The following MRPL4 variants were observed in gnomAD, a reference collection of about 807,000 sequenced individuals.
MRPL4 encodes the protein large ribosomal subunit protein uL4m.
In MRPL4, 34 loss-of-function variants were observed where a neutral mutation model predicts 34.1. The observed-to-expected ratio is 1.00, with a 90% CI of 0.76 to 1.33. The LOEUF is 1.33. Among genes scored for constraint, MRPL4 ranks in the 40% most tolerant of loss-of-function variants. The pLI, the probability that MRPL4 is intolerant of heterozygous loss-of-function variation, is 0.00. For synonymous variants in MRPL4, 196 were observed against 188.3 expected (o/e 1.04, Z -0.33); for missense variants, 402 against 434.6 (o/e 0.92, Z 0.67).
intron 3 of MRPL4, 127 bp downstream of exon 3, chr19:10,252,828 C>A: frequency 7.7e-7 from 1 of 1,297,108 alleles, no homozygotes; most frequent in East Asian, 2.5e-5. Flanking sequence ...GTTTCTCCAC[C>A]TGTCAAAGGG....
chr19:10,253,556 C>T (rs1320939798), intron 3 of MRPL4, among the ~76,000 whole-genome samples: 3 of 151,418 alleles, frequency 2.0e-5, no homozygotes, highest in East Asian at 3.9e-4. Flanking sequence ...ATTGGGAGGC[C>T]GAGGTGGGCG....
At chr19:10,252,213 C>CA, upstream of MRPL4, 3 of 1,555,410 alleles carry the variant, frequency 1.9e-6, no homozygotes, top group Non-Finnish European at 2.6e-6. Flanking sequence ...CGCGAGGCTC[C>CA]AGTGGCCTTG....
chr19:10,258,681 T>A lies in MRPL4; in HGVS notation c.735T>A (p.Ala245=). Residue 245 remains alanine (A), a synonymous_variant, in exon 8 of 9, where the codon GCT becomes GCA. Transcript: ENST00000253099. Reference sequence around the variant, plus strand: ...TTAAGACCTTCAACTTGATCCCGGCTGTTGGTGAGCAAAGAGCCCAGGCCC... The same window carrying A: ...TTAAGACCTTCAACTTGATCCCGGCAGTTGGTGAGCAAAGAGCCCAGGCCC... The part of the protein sequence containing the change: ...SRLKTFNLIP[A]VGLNVHSMLK... 6.2e-7 allele frequency: 1 copy of A among 1,614,112 alleles called. No individual in the cohort carries two copies. The highest frequency in any genetic ancestry group is 2.2e-5 in the East Asian group (1 of 44,868).
In MRPL4 at chr19:10,259,623, AT is replaced by A. The variant is rs1568286020; in HGVS notation, c.747del (p.Asn249LysfsTer13). The A allele has an allele frequency of 7.3e-7, 1 of 1,373,454 alleles. No individual in the cohort carries two copies. Among genetic ancestry groups the A allele is most frequent in the East Asian group, 4.1e-5 (1 of 24,588 alleles). 85.1% of individuals were successfully genotyped at this position (1,373,454 alleles called of 1,614,324 possible). On this transcript the variant is annotated frameshift_variant, in exon 9 of 9. Transcript: ENST00000253099. LOFTEE classifies it high-confidence loss of function. ...TFNLIPAVGL[N>X]VHSMLKHQTL... ...GCCCCCACCCCGCCCCCAGGCCTAA[AT>A]GTGCACAGCATGCTCAAGCACCAGA...
At chr19:10,259,292 A>C (rs1302831676) in intron 8 of MRPL4, 4 of 1,379,394 alleles carry the variant, frequency 2.9e-6, no homozygotes, top group Non-Finnish European at 2.8e-6. Flanking sequence ...CAGGCCCTGC[A>C]CGATGTGCCC....
chr19:10,259,662 CGCT>C lies in MRPL4; in HGVS notation c.788_790del (p.Leu263del). ...CTCAAGCACCAGACGCTGGTCCTGA[CGCT>C]GCCCACCGTCGCCTTCCTGGAGGAC... On this transcript the variant is annotated inframe_deletion, in exon 9 of 9. Transcript: ENST00000253099. 1 of 1,606,120 alleles carries C rather than the reference CGCT, an allele frequency of 6.2e-7. No homozygotes were observed. The highest frequency in any genetic ancestry group is 8.5e-7 in the Non-Finnish European group (1 of 1,177,088).
chr19:10,258,592 C>T lies in MRPL4; in HGVS notation c.663-17C>T, dbSNP rs865824164. On this transcript the variant is annotated splice_polypyrimidine_tract_variant and intron_variant, in intron 7 of 8. Coordinates refer to ENST00000253099, the MANE Select transcript of MRPL4 (RefSeq NM_015956.3). ...TACTCTGAGGGTTCAACCCCCACTC[C>T]CTGGCCTCTCTTACAGAACACACGA... 1.2e-6 allele frequency: 2 copies of T among 1,614,200 alleles called. No individual in the cohort carries two copies. The highest frequency in any genetic ancestry group is 1.7e-6 in the Non-Finnish European group (2 of 1,180,030).
intron 5 of MRPL4, among the ~76,000 whole-genome samples, chr19:10,257,948 G>A (rs2039867270): frequency 1.3e-5 from 2 of 152,064 alleles, no homozygotes; most frequent in Admixed American, 6.6e-5. Context: ...CTGGGCTCAA[G>A]TGATCCTCCA....
chr19:10,259,150 CCA>C (rs2039882979), intron 8 of MRPL4: 20 of 1,050,070 alleles, frequency 1.9e-5, no homozygotes, highest in Non-Finnish European at 2.3e-5. Context: ...TCTGTCAAAG[CCA>C]CAGTCTGTTC....
intron 5 of MRPL4, among the ~76,000 whole-genome samples, chr19:10,257,222 C>G (rs1341733286): frequency 6.6e-6 from 1 of 152,142 alleles, no homozygotes; most frequent in East Asian, 1.9e-4. Flanking sequence ...CATTGTGGGC[C>G]CTGGTGGCTG....
rs200328561 is a variant in MRPL4, at chr19:10,252,700, A to G, written c.274A>G (p.Arg92Gly). 175 of 1,600,852 alleles carry G rather than the reference A, an allele frequency of 1.1e-4. 1 individual carries two copies. Among genetic ancestry groups the G allele is most frequent in the Non-Finnish European group, 1.3e-4 (156 of 1,179,376 alleles). The change falls in exon 3 of 9, where the codon AGG (arginine) becomes GGG (glycine). Residue 92 changes from arginine (R) to glycine (G), a missense_variant and splice_region_variant. By Grantham distance (125) the Arg-to-Gly change is moderately radical. Coordinates refer to ENST00000253099, the MANE Select transcript of MRPL4 (RefSeq NM_015956.3). ...LHPDVFATAP[R>G]LDILHQVAMW... ...CCCCGATGTTTTCGCCACCGCGCCC[A>G]GGTGAGCGAGGGCTGTAATGGTGAA...
chr19:10,258,128 C>A, intron 5 of MRPL4, 94 bp from the exon 6 acceptor site: 1 of 865,960 alleles, frequency 1.2e-6, no homozygotes. Flanking sequence ...GCAGCGCCCC[C>A]TCTCTCGTCA....
At chr19:10,257,718 C>T (rs1222293251) in intron 5 of MRPL4, among the ~76,000 whole-genome samples, 1 of 151,964 alleles carries the variant, frequency 6.6e-6, no homozygotes, top group Non-Finnish European at 1.5e-5. Context: ...AAAGTTCGAA[C>T]CTCCTGATAA....
At chr19:10,252,733 GC>G (rs776121611) in intron 3 of MRPL4, 32 bp downstream of exon 3, 166 of 1,586,150 alleles carry the variant, frequency 1.0e-4, no homozygotes, top group Non-Finnish European at 7.4e-5. Context: ...GAACTGAGTG[GC>G]AGAGGGATGA....
At chr19:10,254,024 C>CT (rs926214738) in intron 3 of MRPL4, among the ~76,000 whole-genome samples, 6 of 150,958 alleles carry the variant, frequency 4.0e-5, no homozygotes, top group African/African-American at 9.7e-5. Flanking sequence ...GAAGGGGTGG[C>CT]TTTTTTTTTC....
Position 10,258,996 on chromosome 19 carries a change from G to A in MRPL4, c.739+311G>A, listed in dbSNP as rs116914887. Reference sequence around the variant, plus strand: ...GCACCTGTAGTCCCAGCTACTCGGGGGCTGAGCCAGGCGGATAGCTTGAGC... The same window carrying A: ...GCACCTGTAGTCCCAGCTACTCGGGAGCTGAGCCAGGCGGATAGCTTGAGC... On this transcript the variant is annotated intron_variant, in intron 8 of 8. Transcript: ENST00000253099. 4.6e-4 allele frequency: 651 copies of A among 1,409,370 alleles called. 6 individuals are homozygous for A. In the East Asian group the frequency reaches 0.015, roughly 32 times the overall value. The allele number at this position is 1,409,370 out of a possible 1,614,324, so 87.3% of individuals were successfully genotyped here. A position where few individuals can be genotyped will look rare whatever the true frequency, so the allele number is the denominator to read the frequency against.
chr19:10,258,508 A>G lies in MRPL4; in HGVS notation c.648A>G (p.Val216=). The G allele has an allele frequency of 6.2e-7, 1 of 1,613,324 alleles. No individual in the cohort carries two copies. Among genetic ancestry groups the G allele is most frequent in the African/African-American group, 1.3e-5 (1 of 74,740 alleles). Residue 216 remains valine, a synonymous_variant, in exon 7 of 9, where the codon GTA becomes GTG. Transcript: ENST00000253099. ...LAHYRRWGDS[V]LLVDLTHEEM... is the part of the protein sequence containing the mutation. ...ACTACCGCCGCTGGGGGGACTCCGT[A>G]CTCCTCGTGGACTTGTGAGGGCACA... is the stretch of plus-strand genomic sequence containing the variant.
intron 4 of MRPL4, among the ~76,000 whole-genome samples, chr19:10,255,936 A>G (rs1242361552): frequency 6.6e-6 from 1 of 152,084 alleles, no homozygotes; most frequent in Non-Finnish European, 1.5e-5. Flanking sequence ...ACTTGAGGCC[A>G]GGAGTTCCAA....
Position 10,259,023 on chromosome 19 carries a change from C to T in MRPL4, c.739+338C>T, listed in dbSNP as rs918764613. ...CTGAGCCAGGCGGATAGCTTGAGCTCAGGGGGCCAAGGCTGCAGTGAGTCA... is the reference window on the plus strand; with the variant it reads ...CTGAGCCAGGCGGATAGCTTGAGCTTAGGGGGCCAAGGCTGCAGTGAGTCA... On this transcript the variant is annotated intron_variant, in intron 8 of 8. Transcript: ENST00000253099. The T allele has an allele frequency of 8.6e-6, 12 of 1,388,186 alleles. No individual in the cohort carries two copies. In the African/African-American group the frequency reaches 1.1e-4, roughly 12 times the overall value. 86.0% of individuals were successfully genotyped at this position (1,388,186 alleles called of 1,614,324 possible).
Sources: gnomAD v4.1 joint callset for allele counts (sites outside exome capture counted in the v4.1 genomes callset) on GRCh38, gnomAD v4.1.1 for gene constraint, MANE v1.5 for transcripts, NCBI Gene and HGNC (gene_info 2026-07-23, HGNC 2026-07-21) for gene names.